ANKS1B: variants seen among roughly 807,000 people sequenced by gnomAD.
The protein encoded by ANKS1B is ankyrin repeat and sterile alpha motif domain containing 1B.
Under a neutral mutation model 148.3 loss-of-function variants are expected in ANKS1B, and 36 were observed. The observed-to-expected ratio is 0.24, with a 90% confidence interval of 0.19 to 0.32. The LOEUF is 0.32. ANKS1B is among the 10% of genes least tolerant of loss of function. The pLI is 1.00. For synonymous variants in ANKS1B, 542 were observed against 560.8 expected, an observed-to-expected ratio of 0.97 and a Z score of 0.47; for missense variants, 1,157 against 1,542.6, an observed-to-expected ratio of 0.75 and a Z score of 4.19.
Position 99,774,932 on chromosome 12 carries a change from T to C in ANKS1B, c.961+616A>G, listed in dbSNP as rs139383833. Among the ~76,000 whole-genome samples, 743 of 152,052 alleles carry C rather than the reference T, an allele frequency of 4.9e-3. 4 individuals are homozygous for C. The highest frequency in any genetic ancestry group is 7.7e-3 in the Non-Finnish European group (524 of 67,916). ...GACAAATACTGCATGATCTCACATGTGGAATCTAAAAAAGTCAAAGTCATA... is the reference window on the plus strand; with the variant it reads ...GACAAATACTGCATGATCTCACATGCGGAATCTAAAAAAGTCAAAGTCATA... On this transcript the variant is annotated intron_variant, in intron 7 of 26. Coordinates refer to ENST00000683438, the MANE Select transcript of ANKS1B (RefSeq NM_001352186.2).
chr12:99,215,028 CA>C (rs1385886891), intron 14 of ANKS1B, among the ~76,000 whole-genome samples: 1 of 152,170 alleles, frequency 6.6e-6, no homozygotes, highest in East Asian at 1.9e-4. Flanking sequence ...TTCTAAGCAG[CA>C]AAGCATTCAA....
intron 9 of ANKS1B, among the ~76,000 whole-genome samples, chr12:99,513,512 T>C (rs973842114): frequency 6.6e-6 from 1 of 152,100 alleles, no homozygotes; most frequent in Non-Finnish European, 1.5e-5. Flanking sequence ...TAACTTCATG[T>C]TTATTTTTCA....
rs1280123455 is a variant in ANKS1B at position 99,858,124 on chromosome 12, A to G, written c.135-32735T>C. On this transcript the variant is annotated intron_variant, in intron 1 of 26. Coordinates refer to ENST00000683438, the MANE Select transcript of ANKS1B (RefSeq NM_001352186.2). ...ACCCACAGAGTGGGAGACAATCTTC[A>G]CAATCTATACATCCAACAAAGGACC... Among the ~76,000 whole-genome samples the G allele has an allele frequency of 3.3e-5, 5 of 152,218 alleles. No homozygotes were observed. In the South Asian group the frequency reaches 1.0e-3, roughly 32 times the overall value.
At chr12:99,545,210 C>G (rs1307006714) in intron 9 of ANKS1B, among the ~76,000 whole-genome samples, 1 of 152,120 alleles carries the variant, frequency 6.6e-6, no homozygotes, top group East Asian at 1.9e-4. Context: ...AATTAGACTT[C>G]TTGCTTTTAT....
intron 10 of ANKS1B, among the ~76,000 whole-genome samples, chr12:99,495,563 A>G (rs2096596361): frequency 6.6e-6 from 1 of 152,182 alleles, no homozygotes; most frequent in Non-Finnish European, 1.5e-5. Flanking sequence ...TTACAAATTT[A>G]TCATGTAGAT....
intron 8 of ANKS1B, among the ~76,000 whole-genome samples, chr12:99,685,753 T>C (rs1224499036): frequency 6.6e-6 from 1 of 151,696 alleles, no homozygotes; most frequent in Non-Finnish European, 1.5e-5. Context: ...TATACATATA[T>C]ATATATACAC....
chr12:99,115,579 T>C (rs542892694), intron 15 of ANKS1B, among the ~76,000 whole-genome samples: 2 of 152,158 alleles, frequency 1.3e-5, no homozygotes, highest in Admixed American at 6.6e-5. Flanking sequence ...GACACTAGTT[T>C]ACCTATGTAA....
intron 10 of ANKS1B, among the ~76,000 whole-genome samples, chr12:99,488,010 T>C (rs1160784624): frequency 6.6e-6 from 1 of 152,162 alleles, no homozygotes; most frequent in Non-Finnish European, 1.5e-5. Context: ...TATTGTTGTA[T>C]GTAAAAAAAA....
intron 14 of ANKS1B, among the ~76,000 whole-genome samples, chr12:99,232,482 G>A (rs1006262085): frequency 7.9e-5 from 12 of 152,300 alleles, no homozygotes; most frequent in African/African-American, 2.2e-4. Flanking sequence ...AAGCCTGAGC[G>A]CTTGATTACT....
chr12:99,208,431 AC>A (rs2082935951), intron 14 of ANKS1B, among the ~76,000 whole-genome samples: 1 of 152,146 alleles, frequency 6.6e-6, no homozygotes, highest in South Asian at 2.1e-4. Flanking sequence ...CTTTGGGAAA[AC>A]CTCAAAGGAC....
At position 99,840,210 on chromosome 12, in the gene ANKS1B, A is replaced by G. The variant is rs2085493249; in HGVS notation, c.135-14821T>C. ...CAGCATAGTCGAGGAAGCCTCTGGG[A>G]TAATAGGGCAACTTTGGAAGAACAT... On this transcript the variant is annotated intron_variant, in intron 1 of 26. Transcript: ENST00000683438. Among the ~76,000 whole-genome samples, 4 of 152,256 alleles carry G rather than the reference A, an allele frequency of 2.6e-5. No individual in the cohort carries two copies. In the South Asian group the frequency reaches 8.3e-4, roughly 32 times the overall value.
At chr12:99,501,046 T>C (rs868520178) in intron 10 of ANKS1B, among the ~76,000 whole-genome samples, 11 of 152,176 alleles carry the variant, frequency 7.2e-5, no homozygotes, top group Admixed American at 2.6e-4. Context: ...TTAAATTGCA[T>C]GTGTGTATGT....
At chr12:98,776,779 G>A (rs1295820714) in intron 24 of ANKS1B, among the ~76,000 whole-genome samples, 1 of 152,240 alleles carries the variant, frequency 6.6e-6, no homozygotes, top group Non-Finnish European at 1.5e-5. Flanking sequence ...GGGGCCAACA[G>A]TATAGACCTA....
chr12:99,284,540 C>A (rs1420063859), intron 12 of ANKS1B, among the ~76,000 whole-genome samples: 1 of 152,074 alleles, frequency 6.6e-6, no homozygotes, highest in Non-Finnish European at 1.5e-5. Flanking sequence ...TTTTATTTTC[C>A]TGTATCCTTC....
intron 10 of ANKS1B, among the ~76,000 whole-genome samples, chr12:99,489,648 T>C (rs1025791427): frequency 1.3e-5 from 2 of 152,216 alleles, no homozygotes; most frequent in Admixed American, 1.3e-4. Flanking sequence ...AACCAAAGTA[T>C]GCTTCAGTTG....
At chr12:99,787,773 T>C (rs1240656102) in intron 4 of ANKS1B, among the ~76,000 whole-genome samples, 1 of 152,244 alleles carries the variant, frequency 6.6e-6, no homozygotes, top group Non-Finnish European at 1.5e-5. Flanking sequence ...TCCCATTCCA[T>C]GGCAGTGGCC....
chr12:99,277,702 T>C (rs2077860379), intron 12 of ANKS1B, among the ~76,000 whole-genome samples: 1 of 152,166 alleles, frequency 6.6e-6, no homozygotes, highest in South Asian at 2.1e-4. Context: ...TGGTTCAAGA[T>C]AGTATGTGCT....
intron 17 of ANKS1B, among the ~76,000 whole-genome samples, chr12:99,035,460 T>C (rs557883055): frequency 1.3e-5 from 2 of 152,314 alleles, no homozygotes; most frequent in African/African-American, 4.8e-5. Context: ...ACCCTTTTTT[T>C]GGTCCAATAA....
rs74352683 is a variant in ANKS1B, at chr12:99,083,444, T to C, written c.2625+1481A>G. Among the ~76,000 whole-genome samples the C allele has an allele frequency of 4.0e-3, 608 of 152,260 alleles. 24 individuals are homozygous for C. In the East Asian group the frequency reaches 0.084, roughly 21 times the overall value. On this transcript the variant is annotated intron_variant, in intron 16 of 26. Transcript: ENST00000683438. ...GCCTCTAGAATTAACTGGCCTAAAG[T>C]AGTCCAGTCATGTCCATTCCCCAGT...
Sources: allele counts gnomAD v4.1 joint callset (sites outside exome capture counted in the v4.1 genomes callset), GRCh38; gene constraint gnomAD v4.1.1; transcripts MANE v1.5; gene names NCBI Gene and HGNC (gene_info 2026-07-23, HGNC 2026-07-21).